Variants in AGBL2 observed in about 807,000 individuals in gnomAD.
AGBL2 encodes the protein AGBL carboxypeptidase 2.
AGBL2 carries 87 observed loss-of-function variants against 103.0 expected under a neutral mutation model. The ratio of observed to expected loss-of-function variants is 0.84; its 90% CI spans 0.71 to 1.01. The LOEUF is 1.01. AGBL2 is among the 50% of genes least tolerant of loss of function. The pLI is 0.00. For synonymous variants in AGBL2, 335 were observed against 356.7 expected (o/e 0.94, Z 0.69); for missense variants, 904 against 1,023.5 (o/e 0.88, Z 1.59).
intron 4 of AGBL2, among the ~76,000 whole-genome samples, 194 bp from the exon 5 acceptor site, chr11:47,706,111 G>A (rs1707717242): frequency 6.6e-6 from 1 of 152,214 alleles, no homozygotes; most frequent in African/African-American, 2.4e-5. Flanking sequence ...GCTGCACAAT[G>A]TCACTCATAA....
At chr11:47,710,041 A>G (rs1266002541) in intron 4 of AGBL2, among the ~76,000 whole-genome samples, 1 of 151,488 alleles carries the variant, frequency 6.6e-6, no homozygotes, top group Admixed American at 6.6e-5. Context: ...AGTGTGTGTC[A>G]CCACACCCGG....
intron 3 of AGBL2, among the ~76,000 whole-genome samples, chr11:47,711,436 G>A (rs933553189): frequency 2.6e-5 from 4 of 152,172 alleles, no homozygotes; most frequent in African/African-American, 9.7e-5. Flanking sequence ...CCTCCCCGGA[G>A]CTCAGAGGAA....
chr11:47,689,637 G>T (rs1048164840), intron 10 of AGBL2, among the ~76,000 whole-genome samples: 1 of 152,016 alleles, frequency 6.6e-6, no homozygotes, highest in Non-Finnish European at 1.5e-5. Context: ...TACAACATGC[G>T]ATATTGACTG....
At chr11:47,666,883 A>T (rs1289733339) in intron 17 of AGBL2, 73 bp downstream of exon 17, 1 of 975,412 alleles carries the variant, frequency 1.0e-6, no homozygotes, top group Admixed American at 1.9e-5. Context: ...CATTTGTCAC[A>T]TTGTGGGAGA....
chr11:47,679,184 G>C (rs2097391473), intron 13 of AGBL2, among the ~76,000 whole-genome samples: 3 of 151,708 alleles, frequency 2.0e-5, no homozygotes, highest in South Asian at 2.1e-4. Flanking sequence ...ACTTTGAGAG[G>C]CTGAGGCAGG....
rs186805665 is a variant in AGBL2 at position 47,692,680 on chromosome 11, G to A, written c.695-424C>T. On this transcript the variant is annotated intron_variant, in intron 8 of 18. Transcript: ENST00000525123. The stretch of plus-strand genomic sequence containing the variant: ...GCCCGTCTCAGCCTCCCAAAGTGCT[G>A]GGATTACAGGTGTGAGCCACCACGC... Among the ~76,000 whole-genome samples, 141 of 151,958 alleles carry A rather than the reference G, an allele frequency of 9.3e-4. No homozygotes were observed. The Middle Eastern group carries it at 0.017, about 18-fold the overall frequency.
chr11:47,675,642 G>T (rs536522963), intron 14 of AGBL2, among the ~76,000 whole-genome samples: 286 of 152,088 alleles, frequency 1.9e-3, no homozygotes, highest in Middle Eastern at 0.014. Context: ...GCCTGCCTTG[G>T]CCTCCCAAAG....
chr11:47,676,482 A>C (rs897766517), intron 14 of AGBL2, among the ~76,000 whole-genome samples: 5 of 152,096 alleles, frequency 3.3e-5, no homozygotes, highest in Non-Finnish European at 7.4e-5. Context: ...TTCCCTCTTT[A>C]TGATCTACTT....
intron 13 of AGBL2, among the ~76,000 whole-genome samples, chr11:47,677,659 G>A (rs1266276187): frequency 6.6e-6 from 1 of 151,976 alleles, no homozygotes; most frequent in African/African-American, 2.4e-5. Context: ...CACCATATTG[G>A]TCAGGCTGGT....
rs2097395359 is a variant in AGBL2, at chr11:47,680,053, A to AGTGG, written c.1932_1935dup (p.Phe646ProfsTer16). ...AAGGACTTCAGATCTTCGATGGTAA[A>AGTGG]GTGGGTGTCTCTTTTATTACCTGGA... On this transcript the variant is annotated frameshift_variant, in exon 13 of 19. Transcript: ENST00000525123. LOFTEE classifies it high-confidence loss of function. 3 of 1,607,558 alleles carry AGTGG rather than the reference A, an allele frequency of 1.9e-6. No homozygotes were observed. The highest frequency in any genetic ancestry group is 2.6e-6 in the Non-Finnish European group (3 of 1,175,276).
At chr11:47,673,822 A>AG (rs2097365221) in intron 14 of AGBL2, among the ~76,000 whole-genome samples, 1 of 134,352 alleles carries the variant, frequency 7.4e-6, no homozygotes, top group Non-Finnish European at 1.6e-5. Context: ...AAAATTGGCC[A>AG]GGCGCAGTGG....
intron 14 of AGBL2, among the ~76,000 whole-genome samples, chr11:47,676,985 TAAAAC>T (rs1299924801): frequency 6.6e-6 from 1 of 152,250 alleles, no homozygotes; most frequent in Non-Finnish European, 1.5e-5. Context: ...TTCTAATGGC[TAAAAC>T]AGAGGCTGGC....
rs779052913 is a variant in AGBL2, at chr11:47,710,502, CCT to C, written c.105_106del (p.Gly36GlnfsTer15). 7 of 1,614,074 alleles carry C rather than the reference CCT, an allele frequency of 4.3e-6. No individual in the cohort carries two copies. The highest frequency in any genetic ancestry group is 5.9e-6 in the Non-Finnish European group (7 of 1,180,020). On this transcript the variant is annotated frameshift_variant, in exon 4 of 19. Coordinates refer to ENST00000525123, the MANE Select transcript of AGBL2 (RefSeq NM_024783.4). LOFTEE classifies it high-confidence loss of function. ...ATGCGTAGCAGAGTTTGGTAAACTG[CCT>C]CTCTGAGCTAAAAATTGGCAGTTTA...
At chr11:47,697,517 C>A (rs1217967339) in intron 8 of AGBL2, among the ~76,000 whole-genome samples, 1 of 144,992 alleles carries the variant, frequency 6.9e-6, no homozygotes, top group Non-Finnish European at 1.5e-5. Flanking sequence ...GGATTACAGG[C>A]GTGAGCCACC....
chr11:47,711,367 A>G (rs2097535972), intron 3 of AGBL2, among the ~76,000 whole-genome samples: 1 of 152,134 alleles, frequency 6.6e-6, no homozygotes, highest in African/African-American at 2.4e-5. Context: ...TACCTGGGCA[A>G]CTATTTGCAT....
chr11:47,667,911 C>T (rs1406267576), intron 15 of AGBL2, among the ~76,000 whole-genome samples: 1 of 152,206 alleles, frequency 6.6e-6, no homozygotes, highest in East Asian at 1.9e-4. Flanking sequence ...AGATAAACTG[C>T]CAAAGGGGTA....
At chr11:47,697,383 C>G (rs1399362306) in intron 8 of AGBL2, among the ~76,000 whole-genome samples, 1 of 151,736 alleles carries the variant, frequency 6.6e-6, no homozygotes, top group Non-Finnish European at 1.5e-5. Context: ...TAACTACAGG[C>G]GCATGCCATC....
intron 7 of AGBL2, 126 bp from the exon 8 acceptor site, chr11:47,699,679 C>T (rs2097490496): frequency 1.1e-5 from 6 of 525,614 alleles, no homozygotes; most frequent in East Asian, 3.4e-5. Context: ...CAAATTCCCA[C>T]CCTAAATTTC....
chr11:47,694,672 C>T (rs1009663115), intron 8 of AGBL2, among the ~76,000 whole-genome samples: 3 of 152,154 alleles, frequency 2.0e-5, no homozygotes, highest in African/African-American at 7.2e-5. Flanking sequence ...AGTCTTTCCT[C>T]TGGCTCCTCA....
Sources: gnomAD v4.1 joint callset for allele counts (sites outside exome capture counted in the v4.1 genomes callset) on GRCh38, gnomAD v4.1.1 for gene constraint, MANE v1.5 for transcripts, NCBI Gene and HGNC (gene_info 2026-07-23, HGNC 2026-07-21) for gene names.